The following EXOC6B variants were observed in gnomAD, a reference collection of about 807,000 sequenced individuals.
The protein encoded by EXOC6B is SEC15 homolog B.
Under a neutral mutation model 113.5 loss-of-function variants are expected in EXOC6B, and 54 were observed. The ratio of observed to expected loss-of-function variants is 0.48; its 90% CI spans 0.38 to 0.60. EXOC6B has a LOEUF of 0.60. Ranked by LOEUF, EXOC6B falls within the 20% of genes least tolerant of loss-of-function variation. The pLI is 0.00. For missense variants in EXOC6B, 797 were observed against 977.5 expected, an observed-to-expected ratio of 0.82 and a Z score of 2.46; for synonymous variants, 357 against 339.0, an observed-to-expected ratio of 1.05 and a Z score of -0.58.
chr2:72,678,367 A>G (rs1465354830), intron 6 of EXOC6B, among the ~76,000 whole-genome samples: 1 of 152,214 alleles, frequency 6.6e-6, no homozygotes, highest in Admixed American at 6.5e-5. Context: ...GTAGTGAAAC[A>G]GTGCGGCTAG....
intron 19 of EXOC6B, among the ~76,000 whole-genome samples, chr2:72,364,640 CAAG>C (rs1690506361): frequency 6.6e-6 from 1 of 152,092 alleles, no homozygotes; most frequent in Non-Finnish European, 1.5e-5. Context: ...ACGGTTCTCT[CAAG>C]AAGAAGCTGC....
chr2:72,659,223 A>ACTT (rs1674830064), intron 6 of EXOC6B, among the ~76,000 whole-genome samples: 4 of 152,142 alleles, frequency 2.6e-5, no homozygotes, highest in Non-Finnish European at 5.9e-5. Context: ...CTCCCATCTG[A>ACTT]AGAAGATAAA....
chr2:72,440,830 A>G (rs1356941392), intron 18 of EXOC6B, among the ~76,000 whole-genome samples: 1 of 152,202 alleles, frequency 6.6e-6, no homozygotes, highest in African/African-American at 2.4e-5. Context: ...AAAGGGATGG[A>G]GGAAAATCTA....
At chr2:72,266,025 TG>T (rs1381225388) in intron 20 of EXOC6B, among the ~76,000 whole-genome samples, 1 of 152,266 alleles carries the variant, frequency 6.6e-6, no homozygotes, top group Non-Finnish European at 1.5e-5. Flanking sequence ...CATTTTTTCA[TG>T]TGTCTTTTGG....
At chr2:72,351,958 CTAATT>C (rs1484067447) in intron 19 of EXOC6B, among the ~76,000 whole-genome samples, 3 of 152,130 alleles carry the variant, frequency 2.0e-5, no homozygotes, top group Non-Finnish European at 4.4e-5. Context: ...TTTTAGTCCT[CTAATT>C]TAAGAGACCT....
At chr2:72,368,449 G>GTACCAGA (rs1432457093) in intron 19 of EXOC6B, among the ~76,000 whole-genome samples, 1 of 152,004 alleles carries the variant, frequency 6.6e-6, no homozygotes, top group African/African-American at 2.4e-5. Flanking sequence ...GGAGGAGCTG[G>GTACCAGA]TACCATTCCT....
rs534906733 is a variant in EXOC6B at position 72,698,780 on chromosome 2, T to C, written c.669+19323A>G. On this transcript the variant is annotated intron_variant, in intron 6 of 21. Transcript: ENST00000272427. Reference sequence around the variant, plus strand: ...GGCTACTCAGAAAAGTATACCAACATCTTGAACCTATTTGTTAATATGTTA... The same window carrying C: ...GGCTACTCAGAAAAGTATACCAACACCTTGAACCTATTTGTTAATATGTTA... Among the ~76,000 whole-genome samples, 7 of 152,304 alleles carry C rather than the reference T, an allele frequency of 4.6e-5. No individual in the cohort carries two copies. The South Asian group carries it at 1.4e-3, about 32-fold the overall frequency.
chr2:72,352,537 T>G (rs1689715702), intron 19 of EXOC6B, among the ~76,000 whole-genome samples: 1 of 152,050 alleles, frequency 6.6e-6, no homozygotes, highest in Non-Finnish European at 1.5e-5. Context: ...TGCAAATAGA[T>G]TAAAGAGAAA....
At chr2:72,614,297 G>C (rs1480963010) in intron 6 of EXOC6B, among the ~76,000 whole-genome samples, 1 of 152,144 alleles carries the variant, frequency 6.6e-6, no homozygotes, top group Non-Finnish European at 1.5e-5. Flanking sequence ...CAAAATCATA[G>C]TGTACAGACA....
chr2:72,287,614 A>G (rs1297235456), intron 20 of EXOC6B, among the ~76,000 whole-genome samples: 3 of 152,138 alleles, frequency 2.0e-5, no homozygotes, highest in East Asian at 1.9e-4. Flanking sequence ...GAAAAAGGGT[A>G]TATAACTGCA....
intron 8 of EXOC6B, among the ~76,000 whole-genome samples, chr2:72,548,825 A>T (rs1703047712): frequency 1.3e-5 from 2 of 152,166 alleles, no homozygotes; most frequent in Admixed American, 1.3e-4. Flanking sequence ...GCAGTAATAT[A>T]AATATACACT....
chr2:72,293,124 G>C (rs1558528689), intron 20 of EXOC6B, among the ~76,000 whole-genome samples: 1 of 152,140 alleles, frequency 6.6e-6, no homozygotes, highest in Non-Finnish European at 1.5e-5. Flanking sequence ...ATTTTCCAGA[G>C]TGATAGTATC....
At chr2:72,683,260 C>T (rs1558914904) in intron 6 of EXOC6B, among the ~76,000 whole-genome samples, 3 of 151,934 alleles carry the variant, frequency 2.0e-5, no homozygotes, top group South Asian at 2.1e-4. Context: ...CAACCCTGCC[C>T]GCTCAGAGCT....
intron 18 of EXOC6B, among the ~76,000 whole-genome samples, chr2:72,438,286 A>T (rs914459089): frequency 1.3e-5 from 2 of 151,480 alleles, no homozygotes; most frequent in Non-Finnish European, 2.9e-5. Flanking sequence ...CTGAAGCTTG[A>T]GCCTGTAGCT....
intron 6 of EXOC6B, among the ~76,000 whole-genome samples, chr2:72,641,114 G>A (rs993083150): frequency 2.0e-5 from 3 of 152,238 alleles, no homozygotes; most frequent in African/African-American, 7.2e-5. Context: ...TGGCCGAATA[G>A]GAGCAGCTCC....
chr2:72,506,807 A>AT (rs1700619354), intron 11 of EXOC6B, among the ~76,000 whole-genome samples: 1 of 152,088 alleles, frequency 6.6e-6, no homozygotes, highest in Non-Finnish European at 1.5e-5. Flanking sequence ...ACTCTTGGCT[A>AT]TTTGTTCATA....
At chr2:72,273,943 T>C (rs1267938149) in intron 20 of EXOC6B, among the ~76,000 whole-genome samples, 2 of 152,166 alleles carry the variant, frequency 1.3e-5, no homozygotes, top group South Asian at 2.1e-4. Context: ...TACATGCTGA[T>C]GTTAATGTGG....
At chr2:72,492,255 G>A in intron 16 of EXOC6B, 63 bp downstream of exon 16, 1 of 908,396 alleles carries the variant, frequency 1.1e-6, no homozygotes, top group South Asian at 1.7e-5. Flanking sequence ...CAGACATAAG[G>A]CCCAGAGCTT....
intron 6 of EXOC6B, among the ~76,000 whole-genome samples, chr2:72,650,048 G>C (rs1012205139): frequency 6.6e-6 from 1 of 152,200 alleles, no homozygotes. Flanking sequence ...GACATGAGCA[G>C]CTGGCCAGTG....
Sources: gnomAD v4.1 joint callset for allele counts (sites outside exome capture counted in the v4.1 genomes callset) on GRCh38, gnomAD v4.1.1 for gene constraint, MANE v1.5 for transcripts, NCBI Gene and HGNC (gene_info 2026-07-23, HGNC 2026-07-21) for gene names.